PNPLA7: variants seen among roughly 807,000 people sequenced by gnomAD.
PNPLA7 encodes patatin like domain 7, lysophospholipase.
A neutral mutation model predicts 161.7 loss-of-function variants in PNPLA7; 153 were observed. The observed-to-expected ratio is 0.95, with a 90% CI of 0.83 to 1.08. The LOEUF (loss-of-function observed/expected upper bound fraction) is 1.08. Among genes scored for constraint, PNPLA7 ranks in the 50% least tolerant of loss-of-function variants. The pLI is 0.00. For missense variants in PNPLA7, 1,739 were observed against 1,856.6 expected (o/e 0.94, Z 1.16); for synonymous variants, 809 against 782.1 (o/e 1.03, Z -0.57).
intron 12 of PNPLA7, among the ~76,000 whole-genome samples, chr9:137,510,169 C>T (rs141114215): frequency 0.028 from 4,285 of 152,240 alleles, 105 homozygotes; most frequent in Admixed American, 0.046. Flanking sequence ...GAACAACACC[C>T]GCTACTTAGC....
chr9:137,525,537 G>A (rs989103060), intron 8 of PNPLA7, among the ~76,000 whole-genome samples: 1 of 152,156 alleles, frequency 6.6e-6, no homozygotes, highest in African/African-American at 2.4e-5. Context: ...TAGCCGAGGC[G>A]GAGAGAGAAT....
At chr9:137,507,066 G>T (rs959724678) in intron 12 of PNPLA7, among the ~76,000 whole-genome samples, 2 of 152,244 alleles carry the variant, frequency 1.3e-5, no homozygotes, top group African/African-American at 4.8e-5. Context: ...GACACAGAGA[G>T]CCAGGAGCGC....
At chr9:137,518,579 C>A (rs867783680) in intron 11 of PNPLA7, among the ~76,000 whole-genome samples, 1 of 80,448 alleles carries the variant, frequency 1.2e-5, no homozygotes, top group Non-Finnish European at 2.5e-5. Flanking sequence ...CCACTCCATC[C>A]CCCACTCACT....
At chr9:137,509,634 GTGAATGAGTTTAGCTGGCA>G in intron 12 of PNPLA7, 1 of 409,108 alleles carries the variant, frequency 2.4e-6, no homozygotes, top group Non-Finnish European at 5.1e-6. Context: ...TTTAACTGGC[GTGAATGAGTTTAGCTGGCA>G]TGAGTGAGTT....
In PNPLA7 at chr9:137,476,341, C is replaced by G. The variant is rs1831943060; in HGVS notation, c.2882+1693G>C. Among the ~76,000 whole-genome samples, 1 of 152,060 alleles carries G rather than the reference C, an allele frequency of 6.6e-6. No homozygotes were observed. Among genetic ancestry groups the G allele is most frequent in the Non-Finnish European group, 1.5e-5 (1 of 68,018 alleles). Reference sequence around the variant, plus strand: ...ATGTGACTTAGTTCTGAGTGACACCCACAGTGTCATAACAACACAGACAGT... The same window carrying G: ...ATGTGACTTAGTTCTGAGTGACACCGACAGTGTCATAACAACACAGACAGT... On this transcript the variant is annotated intron_variant, in intron 25 of 34. Transcript: ENST00000406427. This position sits in a 1 kb window ranked among gnomAD's most constrained non-coding sequence, Gnocchi z 4.5.
At chr9:137,522,634 G>T in intron 9 of PNPLA7, 95 bp downstream of exon 9, 1 of 1,350,094 alleles carries the variant, frequency 7.4e-7, no homozygotes. Flanking sequence ...GAGAAAGTAA[G>T]TGGGCAATAA....
intron 28 of PNPLA7, 45 bp downstream of exon 28, chr9:137,464,081 A>T: frequency 6.3e-7 from 1 of 1,594,572 alleles, no homozygotes; most frequent in South Asian, 1.1e-5. Flanking sequence ...CCCCCTGCCC[A>T]CACCTCGCAC....
In PNPLA7 at chr9:137,468,976, G is replaced by A. The variant is rs1163504713; in HGVS notation, c.2883-1503C>T. 1.3e-5 allele frequency among the ~76,000 whole-genome samples: 2 copies of A among 151,816 alleles called. No individual in the cohort carries two copies. The highest frequency in any genetic ancestry group is 2.9e-5 in the Non-Finnish European group (2 of 67,954). ...TAAAAACAAGTTCAAGTTGGGAGGT[G>A]GAGGTTGCAGTGAGCCAAGATCGCA... is the stretch of plus-strand genomic sequence containing the variant. On this transcript the variant is annotated intron_variant, in intron 25 of 34. Transcript: ENST00000406427. This position sits in a 1 kb window ranked among gnomAD's most constrained non-coding sequence, Gnocchi z 4.0.
chr9:137,516,186 G>A (rs1169943575), intron 11 of PNPLA7, among the ~76,000 whole-genome samples: 1 of 129,308 alleles, frequency 7.7e-6, no homozygotes, highest in Non-Finnish European at 1.6e-5. Context: ...CAAGTGCCTT[G>A]AAGGCAAACT....
At chr9:137,501,228 G>T (rs10867092) in intron 15 of PNPLA7, among the ~76,000 whole-genome samples, 3 of 152,108 alleles carry the variant, frequency 2.0e-5, no homozygotes, top group African/African-American at 7.2e-5. Context: ...GTCCCATGCC[G>T]CCTCGCCTGG....
rs1403218774 is a variant in PNPLA7, at chr9:137,468,969, G to A, written c.2883-1496C>T. 1.3e-5 allele frequency among the ~76,000 whole-genome samples: 2 copies of A among 151,886 alleles called. No homozygotes were observed. Among genetic ancestry groups the A allele is most frequent in the African/African-American group, 4.8e-5 (2 of 41,336 alleles). ...TAAGCCTTAAAAACAAGTTCAAGTT[G>A]GGAGGTGGAGGTTGCAGTGAGCCAA... On this transcript the variant is annotated intron_variant, in intron 25 of 34. Coordinates refer to ENST00000406427, the MANE Select transcript of PNPLA7 (RefSeq NM_001098537.3). The surrounding 1 kb of genome is among the most constrained non-coding windows in gnomAD (Gnocchi z 4.0).
rs1023224702 is a variant in PNPLA7 at position 137,479,426 on chromosome 9, G to A, written c.2581-188C>T. On this transcript the variant is annotated intron_variant, in intron 23 of 34. Coordinates refer to ENST00000406427, the MANE Select transcript of PNPLA7 (RefSeq NM_001098537.3). ...AAGCTCTGACGGCAGGGGTCCATCC[G>A]TCCACTGTGTGCTGGGCAAGGTCAG... The A allele has an allele frequency of 2.9e-5, 38 of 1,298,342 alleles. No individual in the cohort carries two copies. In the East Asian group the frequency reaches 5.9e-4, roughly 20 times the overall value. The allele number at this position is 1,298,342 out of a possible 1,614,324, so 80.4% of individuals were successfully genotyped here.
At chr9:137,548,912 C>G (rs1181250079) in intron 1 of PNPLA7, among the ~76,000 whole-genome samples, 6 of 152,198 alleles carry the variant, frequency 3.9e-5, no homozygotes. Context: ...GACAGGGGAA[C>G]CCCTACGCTC....
rs1179305089 is a variant in PNPLA7 at position 137,503,839 on chromosome 9, GAA to G, written c.1473+1773_1473+1774del. ...AGATGAAGGAAGAAGAAAGAAGCAA[GAA>G]GAAGAAGGAAGAAGAAGAAGGAGGA... On this transcript the variant is annotated intron_variant, in intron 14 of 34. Coordinates refer to ENST00000406427, the MANE Select transcript of PNPLA7 (RefSeq NM_001098537.3). 4.2e-3 allele frequency among the ~76,000 whole-genome samples: 61 copies of G among 14,460 alleles called. 1 individual carries two copies. The highest frequency in any genetic ancestry group is 9.6e-3 in the Admixed American group (12 of 1,254). The allele number at this position is 14,460 out of a possible 152,430, so 9.5% of individuals were successfully genotyped here.
rs1428706687 is a variant in PNPLA7, at chr9:137,543,216, G to A, written c.506+216C>T. Among the ~76,000 whole-genome samples the A allele has an allele frequency of 6.6e-6, 1 of 152,202 alleles. No individual in the cohort carries two copies. Among genetic ancestry groups the A allele is most frequent in the East Asian group, 1.9e-4 (1 of 5,190 alleles). On this transcript the variant is annotated intron_variant, in intron 6 of 34. Transcript: ENST00000406427. The surrounding 1 kb of genome is among the most constrained non-coding windows in gnomAD (Gnocchi z 6.9). ...TTGCCCTGGGTTCACCGCTGAAGAT[G>A]AAACACCGGGAAATCGTTCAACAGA...
intron 13 of PNPLA7, 63 bp from the exon 14 acceptor site, chr9:137,505,823 T>C (rs3750381): frequency 0.67 from 1,065,415 of 1,593,550 alleles, 359,339 homozygotes; most frequent in East Asian, 0.88. Context: ...CGCACAAGGG[T>C]GTGGTCAGGT....
Position 137,500,930 on chromosome 9 carries a change from G to A in PNPLA7, c.1552-34C>T. The A allele has an allele frequency of 1.3e-6, 2 of 1,533,558 alleles. No individual in the cohort carries two copies. Among genetic ancestry groups the A allele is most frequent in the Non-Finnish European group, 1.7e-6 (2 of 1,142,894 alleles). 95.0% of individuals were successfully genotyped at this position (1,533,558 alleles called of 1,614,324 possible). On this transcript the variant is annotated intron_variant, in intron 15 of 34. Coordinates refer to ENST00000406427, the MANE Select transcript of PNPLA7 (RefSeq NM_001098537.3). This position sits in a 1 kb window ranked among gnomAD's most constrained non-coding sequence, Gnocchi z 5.5. ...CGAGAGGGCTCAGGAGGCGCCGCGA[G>A]TGGCCGCGGGCAGGACGGGGGCAGC...
At chr9:137,480,272 G>A in intron 23 of PNPLA7, 40 bp downstream of exon 23, 1 of 1,591,052 alleles carries the variant, frequency 6.3e-7, no homozygotes. Context: ...GTTCTGAAGA[G>A]AGGGCTCTCC....
chr9:137,544,943 C>T (rs116910695), intron 4 of PNPLA7, among the ~76,000 whole-genome samples: 94 of 152,222 alleles, frequency 6.2e-4, no homozygotes, highest in African/African-American at 2.0e-3. Flanking sequence ...CCACCGTGCC[C>T]GGCCGAGTTT....
Sources: allele counts gnomAD v4.1 joint callset (sites outside exome capture counted in the v4.1 genomes callset), GRCh38; gene constraint gnomAD v4.1.1; non-coding constraint Gnocchi (gnomAD v3.1); transcripts MANE v1.5; gene names NCBI Gene and HGNC (gene_info 2026-07-23, HGNC 2026-07-21).